Variants in CNTN4 observed in about 807,000 individuals in gnomAD.
The protein encoded by CNTN4 is contactin-4.
Under a neutral mutation model 122.5 loss-of-function variants are expected in CNTN4, and 77 were observed. The ratio of observed to expected loss-of-function variants is 0.63; its 90% confidence interval spans 0.52 to 0.76. CNTN4 has a LOEUF of 0.76. Ranked by LOEUF, CNTN4 falls within the 30% of genes least tolerant of loss-of-function variation. The pLI, the probability that CNTN4 is intolerant of heterozygous loss-of-function variation, is 0.00. For missense variants in CNTN4, 1,256 were observed against 1,259.1 expected (o/e 1.00, Z 0.04); for synonymous variants, 512 against 447.0 (o/e 1.15, Z -1.83).
rs151328059 is a variant in CNTN4, at chr3:2,222,665, C to T, written c.-144-116513C>T. 6.3e-3 allele frequency among the ~76,000 whole-genome samples: 955 copies of T among 151,880 alleles called. 10 individuals carry two copies. Among genetic ancestry groups the T allele is most frequent in the African/African-American group, 0.022 (896 of 41,280 alleles). On this transcript the variant is annotated intron_variant, in intron 2 of 24. Transcript: ENST00000418658. ...ATTTATACGCACAACCCCCCACACCCCCAACACACACCCCAGGGTACCAAA... is the reference window on the plus strand; with the variant it reads ...ATTTATACGCACAACCCCCCACACCTCCAACACACACCCCAGGGTACCAAA...
chr3:2,699,928 T>C (rs1045422847), intron 4 of CNTN4, among the ~76,000 whole-genome samples: 2 of 152,142 alleles, frequency 1.3e-5, no homozygotes, highest in African/African-American at 4.8e-5. Flanking sequence ...CTTCTGCCAC[T>C]GGGTGAGTTG....
Position 3,021,465 on chromosome 3 carries a change from C to T in CNTN4, c.1487-4637C>T, listed in dbSNP as rs188902553. 6.4e-4 allele frequency among the ~76,000 whole-genome samples: 97 copies of T among 152,228 alleles called. 3 individuals are homozygous for T. The East Asian group carries it at 0.018, about 28-fold the overall frequency. On this transcript the variant is annotated intron_variant, in intron 14 of 24. Transcript: ENST00000418658. ...TTGCTGTCTGCTCTTTGACCAGCTC[C>T]AGGCCTTTGAAGAATCCCACTTTTA...
intron 3 of CNTN4, among the ~76,000 whole-genome samples, chr3:2,360,052 C>T (rs17194322): frequency 0.04 from 6,033 of 152,292 alleles, 188 homozygotes; most frequent in Non-Finnish European, 0.056. Context: ...TCTGCCAGAT[C>T]TTCTCATAAG....
intron 4 of CNTN4, among the ~76,000 whole-genome samples, chr3:2,705,745 T>A (rs2086658259): frequency 9.9e-6 from 1 of 100,518 alleles, no homozygotes; most frequent in Non-Finnish European, 1.7e-5. Flanking sequence ...ATGATATATA[T>A]GATATATAAT....
At chr3:2,507,347 ACTGT>A (rs957221943) in intron 3 of CNTN4, among the ~76,000 whole-genome samples, 49 of 152,162 alleles carry the variant, frequency 3.2e-4, no homozygotes, top group African/African-American at 1.2e-3. Flanking sequence ...TTTTTTTTAA[ACTGT>A]CTTTGTTGGA....
chr3:2,900,864 C>G, intron 11 of CNTN4, 43 bp downstream of exon 11: 1 of 1,609,880 alleles, frequency 6.2e-7, no homozygotes, highest in African/African-American at 1.3e-5. Context: ...TTGACTATAA[C>G]GTTTAATATA....
intron 2 of CNTN4, among the ~76,000 whole-genome samples, chr3:2,323,085 T>C (rs1468689478): frequency 6.6e-6 from 1 of 152,176 alleles, no homozygotes; most frequent in Non-Finnish European, 1.5e-5. Context: ...GCAAGAGCTC[T>C]CTTGCCTCTG....
intron 3 of CNTN4, among the ~76,000 whole-genome samples, chr3:2,541,501 G>C (rs1415837195): frequency 6.6e-6 from 1 of 152,080 alleles, no homozygotes; most frequent in African/African-American, 2.4e-5. Flanking sequence ...ACTTAGTAAA[G>C]CTTCGTTCTC....
chr3:3,052,589 C>T (rs1445465699), intron 23 of CNTN4, among the ~76,000 whole-genome samples: 3 of 152,196 alleles, frequency 2.0e-5, no homozygotes, highest in Non-Finnish European at 2.9e-5. Context: ...TTTCCCAGAC[C>T]TGTATATTTT....
intron 3 of CNTN4, among the ~76,000 whole-genome samples, chr3:2,532,754 T>G (rs2077645056): frequency 6.6e-6 from 1 of 152,182 alleles, no homozygotes; most frequent in African/African-American, 2.4e-5. Context: ...TATAGCAGTC[T>G]TCATACTCTT....
At chr3:2,219,373 C>CT in intron 2 of CNTN4, among the ~76,000 whole-genome samples, 1 of 152,272 alleles carries the variant, frequency 6.6e-6, no homozygotes, top group South Asian at 2.1e-4. Flanking sequence ...CAGATATTCT[C>CT]TAAGTGAGTT....
At chr3:2,742,161 G>A (rs1576629981) in intron 5 of CNTN4, among the ~76,000 whole-genome samples, 2 of 150,100 alleles carry the variant, frequency 1.3e-5, no homozygotes, top group East Asian at 2.0e-4. Context: ...AAGAAATTCC[G>A]AAGTGAGTCT....
intron 4 of CNTN4, among the ~76,000 whole-genome samples, chr3:2,599,117 T>A (rs1049859142): frequency 2.3e-4 from 35 of 152,252 alleles, no homozygotes; most frequent in African/African-American, 7.9e-4. Flanking sequence ...TGGGAAAATG[T>A]ATGTTGTTTA....
At chr3:2,787,882 CAGG>C (rs2091890612) in intron 6 of CNTN4, among the ~76,000 whole-genome samples, 1 of 151,632 alleles carries the variant, frequency 6.6e-6, no homozygotes, top group Non-Finnish European at 1.5e-5. Flanking sequence ...CTCTGCCTCC[CAGG>C]TTCAAGTGAT....
At chr3:2,817,603 T>C (rs773246898) in intron 6 of CNTN4, among the ~76,000 whole-genome samples, 5 of 152,206 alleles carry the variant, frequency 3.3e-5, no homozygotes, top group Non-Finnish European at 7.3e-5. Flanking sequence ...ATTGCCCATA[T>C]TTCTCATTTT....
At chr3:2,255,202 G>A (rs2040532308) in intron 2 of CNTN4, among the ~76,000 whole-genome samples, 1 of 150,846 alleles carries the variant, frequency 6.6e-6, no homozygotes, top group Admixed American at 6.6e-5. Flanking sequence ...GTGTAGATGT[G>A]TGGCATTATT....
intron 6 of CNTN4, among the ~76,000 whole-genome samples, chr3:2,764,003 T>G (rs2090723146): frequency 6.6e-6 from 1 of 152,040 alleles, no homozygotes; most frequent in African/African-American, 2.4e-5. Context: ...AAAATAGTAT[T>G]TTAGATGTTT....
chr3:2,617,165 T>A (rs2081787283), intron 4 of CNTN4, among the ~76,000 whole-genome samples: 1 of 152,082 alleles, frequency 6.6e-6, no homozygotes, highest in Non-Finnish European at 1.5e-5. Context: ...CTAAAGAGCT[T>A]CTGCACAGCA....
chr3:2,224,429 A>G (rs993250341), intron 2 of CNTN4, among the ~76,000 whole-genome samples: 1 of 152,168 alleles, frequency 6.6e-6, no homozygotes, highest in African/African-American at 2.4e-5. Flanking sequence ...AGTCTGTGAG[A>G]CCACCTCATG....
Sources: allele counts gnomAD v4.1 joint callset (sites outside exome capture counted in the v4.1 genomes callset), GRCh38; gene constraint gnomAD v4.1.1; transcripts MANE v1.5; gene names NCBI Gene and HGNC (gene_info 2026-07-23, HGNC 2026-07-21).